The following FIP1L1 variants were observed in gnomAD, a reference collection of about 807,000 sequenced individuals.
The protein encoded by FIP1L1 is factor interacting with PAPOLA and CPSF1.
FIP1L1 carries 21 observed loss-of-function variants against 84.6 expected under a neutral mutation model. That is an observed-to-expected ratio of 0.25 (90% confidence interval 0.18 to 0.36). The LOEUF is 0.36. FIP1L1 is among the 10% of genes least tolerant of loss of function. The probability of loss-of-function intolerance (pLI) is 1.00; values close to 1 mark genes in which losing one functional copy is unlikely to be tolerated. For missense variants in FIP1L1, 526 were observed against 751.1 expected, an observed-to-expected ratio of 0.70 and a Z score of 3.50; for synonymous variants, 263 against 242.3, an observed-to-expected ratio of 1.09 and a Z score of -0.80.
chr4:53,381,632 T>A (rs1447030960), intron 3 of FIP1L1, among the ~76,000 whole-genome samples: 1 of 152,162 alleles, frequency 6.6e-6, no homozygotes, highest in Non-Finnish European at 1.5e-5. Flanking sequence ...AAAGATCAAA[T>A]TGATTTAGGA....
intron 10 of FIP1L1, among the ~76,000 whole-genome samples, chr4:53,405,839 G>C (rs938411769): frequency 2.2e-3 from 331 of 151,894 alleles, no homozygotes; most frequent in Non-Finnish European, 4.1e-3. Flanking sequence ...GAATGCTTGT[G>C]ATTTTTGCAC....
At chr4:53,388,888 G>A (rs143525771) in intron 5 of FIP1L1, among the ~76,000 whole-genome samples, 13 of 152,306 alleles carry the variant, frequency 8.5e-5, no homozygotes, top group African/African-American at 3.1e-4. Context: ...AGTCTTAGGT[G>A]TTTTGGCCAA....
chr4:53,422,996 G>A (rs1202540257), intron 11 of FIP1L1, among the ~76,000 whole-genome samples: 4 of 152,074 alleles, frequency 2.6e-5, no homozygotes, highest in East Asian at 1.9e-4. Flanking sequence ...CATTACATGC[G>A]TGAGCCTGAC....
At chr4:53,429,258 C>T (rs1477291276) in intron 13 of FIP1L1, among the ~76,000 whole-genome samples, 1 of 152,024 alleles carries the variant, frequency 6.6e-6, no homozygotes, top group Non-Finnish European at 1.5e-5. Flanking sequence ...GTTGTCTCAA[C>T]AATAGTGGAA....
chr4:53,423,585 A>G (rs1208482607), intron 11 of FIP1L1, among the ~76,000 whole-genome samples: 1 of 152,230 alleles, frequency 6.6e-6, no homozygotes, highest in Non-Finnish European at 1.5e-5. Flanking sequence ...TTGCTGTGGT[A>G]CATACTGTGT....
chr4:53,379,608 A>G (rs1021099), intron 3 of FIP1L1, among the ~76,000 whole-genome samples: 84,504 of 152,140 alleles, frequency 0.56, 25,314 homozygotes, highest in Non-Finnish European at 0.67. Context: ...AATGTTTTTA[A>G]GTAAATCAGG....
At chr4:53,452,120 G>T (rs1284918161) in intron 15 of FIP1L1, among the ~76,000 whole-genome samples, 1 of 152,046 alleles carries the variant, frequency 6.6e-6, no homozygotes, top group Non-Finnish European at 1.5e-5. Context: ...CTGATCTCAT[G>T]ATCCACCCAC....
intron 13 of FIP1L1, among the ~76,000 whole-genome samples, chr4:53,432,460 A>G (rs942691107): frequency 3.3e-5 from 5 of 151,426 alleles, no homozygotes; most frequent in Admixed American, 6.6e-5. Flanking sequence ...TAGTTCTTCT[A>G]TAATATCCAG....
chr4:53,459,710 C>G lies in FIP1L1; in HGVS notation c.*261C>G, dbSNP rs1293950034. 23 of 490,962 alleles carry G rather than the reference C, an allele frequency of 4.7e-5. No individual in the cohort carries two copies. The highest frequency in any genetic ancestry group is 7.7e-5 in the Non-Finnish European group (21 of 272,158). 30.4% of individuals were successfully genotyped at this position (490,962 alleles called of 1,614,324 possible). A position where few individuals can be genotyped will look rare whatever the true frequency, so the allele number is the denominator to read the frequency against. On this transcript the variant is annotated 3_prime_UTR_variant, in exon 18 of 18. Transcript: ENST00000337488. ...GTGAATGAGTCACTTAACAGGGAAT[C>G]TAAAGAGCTGTGTTAGCTGTGTACA...
At chr4:53,407,963 G>A (rs920195841) in intron 10 of FIP1L1, among the ~76,000 whole-genome samples, 1 of 152,168 alleles carries the variant, frequency 6.6e-6, no homozygotes, top group Admixed American at 6.5e-5. Context: ...GCCAGTCTGT[G>A]TCTTTTAATT....
At chr4:53,414,542 A>G (rs111347267) in intron 10 of FIP1L1, 73 bp from the exon 11 acceptor site, 4 of 1,030,764 alleles carry the variant, frequency 3.9e-6, no homozygotes, top group Non-Finnish European at 5.7e-6. Context: ...TGTCAAGAAA[A>G]AAAAAAAAAC....
At chr4:53,458,919 AG>A (rs1720934162) in intron 17 of FIP1L1, 129 bp downstream of exon 17, 1 of 1,044,820 alleles carries the variant, frequency 9.6e-7, no homozygotes, top group Admixed American at 2.9e-5. Context: ...AGAAAAATTC[AG>A]GGCCTTGTCT....
rs112498427 is a variant in FIP1L1, at chr4:53,439,729, C to T, written c.1175-2924C>T. ...TTTTTTTATTTTCCTGCTTAGAAATCTCTCATTTTTCCTCCACTGAAGATA... is the reference window on the plus strand; with the variant it reads ...TTTTTTTATTTTCCTGCTTAGAAATTTCTCATTTTTCCTCCACTGAAGATA... On this transcript the variant is annotated intron_variant, in intron 13 of 17. Coordinates refer to ENST00000337488, the MANE Select transcript of FIP1L1 (RefSeq NM_030917.4). 6.6e-3 allele frequency among the ~76,000 whole-genome samples: 1,006 copies of T among 152,018 alleles called. 12 individuals are homozygous for T. Among genetic ancestry groups the T allele is most frequent in the African/African-American group, 0.023 (970 of 41,524 alleles).
Position 53,459,729 on chromosome 4 carries a change from G to A in FIP1L1, c.*280G>A, listed in dbSNP as rs573910493. 9.2e-4 allele frequency: 422 copies of A among 458,984 alleles called. 1 individual carries two copies. Among genetic ancestry groups the A allele is most frequent in the South Asian group, 4.8e-3 (212 of 43,728 alleles). 28.4% of individuals were successfully genotyped at this position (458,984 alleles called of 1,614,324 possible). A position where few individuals can be genotyped will look rare whatever the true frequency, so the allele number is the denominator to read the frequency against. The stretch of plus-strand genomic sequence containing the variant: ...GGGAATCTAAAGAGCTGTGTTAGCT[G>A]TGTACATACACAGATTATCTGAGAA... On this transcript the variant is annotated 3_prime_UTR_variant, in exon 18 of 18. Coordinates refer to ENST00000337488, the MANE Select transcript of FIP1L1 (RefSeq NM_030917.4).
At chr4:53,446,173 A>G (rs1301756985) in intron 15 of FIP1L1, among the ~76,000 whole-genome samples, 2 of 150,270 alleles carry the variant, frequency 1.3e-5, no homozygotes, top group African/African-American at 4.9e-5. Flanking sequence ...ACTTGTTTCA[A>G]TGACTATGTT....
At chr4:53,458,918 C>T (rs543613819) in intron 17 of FIP1L1, 128 bp downstream of exon 17, 283 of 1,047,080 alleles carry the variant, frequency 2.7e-4, no homozygotes, top group Non-Finnish European at 3.4e-4. Context: ...AAGAAAAATT[C>T]AGGGCCTTGT....
In FIP1L1 at chr4:53,453,110, T is replaced by C. The variant is rs780016349; in HGVS notation, c.1476T>C (p.Ser492=). 5 of 1,613,976 alleles carry C rather than the reference T, an allele frequency of 3.1e-6. No individual in the cohort carries two copies. In the East Asian group the frequency reaches 6.7e-5, roughly 22 times the overall value. Residue 492 remains serine (S), a synonymous_variant, in exon 16 of 18, where the codon AGT becomes AGC. Transcript: ENST00000337488. ...AGAGAGAGAGGGAGCGTGATCACAG[T>C]CCTACACCAAGTGTTTTCAACAGGT... ...TRERERERDH[S]PTPSVFNSDE...
intron 13 of FIP1L1, among the ~76,000 whole-genome samples, chr4:53,431,646 T>G (rs950987102): frequency 6.6e-6 from 1 of 151,934 alleles, no homozygotes; most frequent in Non-Finnish European, 1.5e-5. Context: ...ATAAATAGGG[T>G]GACCATACAT....
intron 13 of FIP1L1, chr4:53,441,049 G>A: frequency 6.3e-6 from 1 of 157,488 alleles, no homozygotes. Context: ...ACCCCACATA[G>A]CAACTAGACA....
Sources: allele counts gnomAD v4.1 joint callset (sites outside exome capture counted in the v4.1 genomes callset), GRCh38; gene constraint gnomAD v4.1.1; transcripts MANE v1.5; gene names NCBI Gene and HGNC (gene_info 2026-07-23, HGNC 2026-07-21).